PRMT3: variants seen among roughly 807,000 people sequenced by gnomAD.
The protein encoded by PRMT3 is protein arginine N-methyltransferase 3.
In PRMT3, 62 loss-of-function variants were observed where a neutral mutation model predicts 71.9. The ratio of observed to expected loss-of-function variants is 0.86; its 90% CI spans 0.70 to 1.07. PRMT3 has a LOEUF of 1.07. Ranked by LOEUF, PRMT3 falls within the 50% of genes least tolerant of loss-of-function variation. PRMT3 has a pLI of 0.00. For missense variants in PRMT3, 663 were observed against 643.0 expected, an observed-to-expected ratio of 1.03 and a Z score of -0.34; for synonymous variants, 213 against 220.4, an observed-to-expected ratio of 0.97 and a Z score of 0.30.
intron 15 of PRMT3, among the ~76,000 whole-genome samples, chr11:20,503,001 G>A (rs528285356): frequency 6.6e-6 from 1 of 151,944 alleles, no homozygotes; most frequent in African/African-American, 2.4e-5. Context: ...TGTAACACTG[G>A]AATATATTTC....
chr11:20,433,990 TCAGA>T (rs1455784921), intron 10 of PRMT3, among the ~76,000 whole-genome samples: 2 of 152,152 alleles, frequency 1.3e-5, no homozygotes, highest in Non-Finnish European at 2.9e-5. Context: ...TAATTGACAC[TCAGA>T]CAGTGTTTAA....
intron 15 of PRMT3, among the ~76,000 whole-genome samples, chr11:20,502,838 C>T (rs1020824927): frequency 1.3e-5 from 2 of 151,780 alleles, no homozygotes; most frequent in African/African-American, 4.9e-5. Flanking sequence ...TCATATGCTT[C>T]AATGAGAAAA....
chr11:20,403,965 A>G (rs1004407435), intron 8 of PRMT3, among the ~76,000 whole-genome samples: 7 of 151,660 alleles, frequency 4.6e-5, no homozygotes, highest in African/African-American at 1.7e-4. Flanking sequence ...CATTTTCCAT[A>G]CCTCTTTTTT....
chr11:20,442,873 A>G (rs1849940502), intron 10 of PRMT3, among the ~76,000 whole-genome samples: 1 of 152,146 alleles, frequency 6.6e-6, no homozygotes, highest in Non-Finnish European at 1.5e-5. Flanking sequence ...ATGTCATTTT[A>G]TATTGCTAGA....
intron 11 of PRMT3, among the ~76,000 whole-genome samples, chr11:20,459,089 T>C (rs1286540239): frequency 6.6e-6 from 1 of 152,164 alleles, no homozygotes. Flanking sequence ...AGTGTGGCCA[T>C]AGACAACATG....
chr11:20,506,135 T>A (rs189931409), intron 15 of PRMT3, among the ~76,000 whole-genome samples: 1 of 152,282 alleles, frequency 6.6e-6, no homozygotes, highest in East Asian at 1.9e-4. Flanking sequence ...CAATATTTTG[T>A]GACCATTAAG....
At chr11:20,504,643 T>G (rs1455404294) in intron 15 of PRMT3, among the ~76,000 whole-genome samples, 1 of 151,850 alleles carries the variant, frequency 6.6e-6, no homozygotes, top group African/African-American at 2.4e-5. Context: ...GTTTTGTAGT[T>G]TATGTAAGTC....
At position 20,469,527 on chromosome 11, in the gene PRMT3, C is replaced by G. The variant is rs570744331; in HGVS notation, c.1347+4981C>G. On this transcript the variant is annotated intron_variant, in intron 13 of 15. Coordinates refer to ENST00000331079, the MANE Select transcript of PRMT3 (RefSeq NM_005788.4). ...TAAGATGGATTTATCAGATTACATG[C>G]TCACACAAATAACACAGGTTGAGTA... Among the ~76,000 whole-genome samples the G allele has an allele frequency of 3.9e-5, 6 of 152,276 alleles. No homozygotes were observed. The South Asian group carries it at 1.2e-3, about 32-fold the overall frequency.
intron 13 of PRMT3, among the ~76,000 whole-genome samples, chr11:20,490,691 AAC>A (rs1427456930): frequency 2.0e-5 from 3 of 152,248 alleles, no homozygotes; most frequent in Non-Finnish European, 2.9e-5. Context: ...CAATAAATAT[AAC>A]AGTTATAGAA....
At chr11:20,409,654 A>AACAGAC (rs1555008185) in intron 9 of PRMT3, among the ~76,000 whole-genome samples, 8 of 144,332 alleles carry the variant, frequency 5.5e-5, no homozygotes, top group African/African-American at 1.8e-4. Flanking sequence ...GGAATACACA[A>AACAGAC]ACACACACAC....
rs1851646713 is a variant in PRMT3, at chr11:20,508,378, T to C, written c.1561T>C (p.Leu521=). The C allele has an allele frequency of 2.5e-6, 4 of 1,609,558 alleles. No individual in the cohort carries two copies. Among genetic ancestry groups the C allele is most frequent in the East Asian group, 4.5e-5 (2 of 44,834 alleles). Reference sequence around the variant, plus strand: ...ACGTTCTCTCACCGTGACCCTCACGTTGAATAATTCAACTCAAACTTATGG... The same window carrying C: ...ACGTTCTCTCACCGTGACCCTCACGCTGAATAATTCAACTCAAACTTATGG... ...DPRSLTVTLT[L]NNSTQTYGLQ is the part of the protein sequence containing the mutation. The change falls in exon 16 of 16, where the codon TTG becomes CTG. Residue 521 remains leucine (L), a synonymous_variant. Transcript: ENST00000331079.
intron 15 of PRMT3, among the ~76,000 whole-genome samples, chr11:20,497,928 T>C (rs556022886): frequency 6.6e-6 from 1 of 152,216 alleles, no homozygotes; most frequent in Non-Finnish European, 1.5e-5. Context: ...TGCAGGAAAA[T>C]GTCTGATAGG....
At chr11:20,421,049 G>GT (rs1053819866) in intron 9 of PRMT3, among the ~76,000 whole-genome samples, 2 of 151,952 alleles carry the variant, frequency 1.3e-5, no homozygotes, top group African/African-American at 2.4e-5. Flanking sequence ...TTGTTTGTTT[G>GT]TTTTTTTGAG....
chr11:20,390,260 G>GT (rs1234658195), intron 3 of PRMT3, among the ~76,000 whole-genome samples: 1 of 152,154 alleles, frequency 6.6e-6, no homozygotes, highest in Non-Finnish European at 1.5e-5. Flanking sequence ...TGGAAATGGA[G>GT]TTTTTTTGAC....
At chr11:20,419,724 T>C (rs1292374572) in intron 9 of PRMT3, among the ~76,000 whole-genome samples, 1 of 152,222 alleles carries the variant, frequency 6.6e-6, no homozygotes, top group Non-Finnish European at 1.5e-5. Flanking sequence ...TCCCATTCAT[T>C]ATTCTTTGTA....
chr11:20,475,719 T>C (rs1411567201), intron 13 of PRMT3, among the ~76,000 whole-genome samples: 2 of 150,574 alleles, frequency 1.3e-5, no homozygotes, highest in Non-Finnish European at 2.9e-5. Context: ...AGAGGTGCGA[T>C]CTCTGCTCAC....
intron 11 of PRMT3, among the ~76,000 whole-genome samples, chr11:20,458,991 T>C (rs1266614641): frequency 2.4e-5 from 3 of 127,254 alleles, no homozygotes; most frequent in Non-Finnish European, 3.3e-5. Context: ...GTAAATTTTT[T>C]CAGTAAAAGG....
intron 9 of PRMT3, among the ~76,000 whole-genome samples, chr11:20,410,768 G>T (rs1162242745): frequency 3.3e-5 from 5 of 151,978 alleles, no homozygotes; most frequent in African/African-American, 4.8e-5. Flanking sequence ...TCAAAGGATG[G>T]GTGTCAATTT....
At position 20,395,974 on chromosome 11, in the gene PRMT3, A is replaced by G. The variant is rs371533902; in HGVS notation, c.560+12A>G. 68 of 1,611,134 alleles carry G rather than the reference A, an allele frequency of 4.2e-5. No homozygotes were observed. Among genetic ancestry groups the G allele is most frequent in the Middle Eastern group, 1.6e-4 (1 of 6,066 alleles). On this transcript the variant is annotated intron_variant, in intron 6 of 15. Transcript: ENST00000331079. ...CTGCAAAAAATGAAGTAATTTATCA[A>G]TCTTGCAAAATTAATTGTTTTAGAT... is the stretch of plus-strand genomic sequence containing the variant.
Sources: allele counts gnomAD v4.1 joint callset (sites outside exome capture counted in the v4.1 genomes callset), GRCh38; gene constraint gnomAD v4.1.1; transcripts MANE v1.5; gene names NCBI Gene and HGNC (gene_info 2026-07-23, HGNC 2026-07-21).